Variants in TMEM117 observed in about 807,000 individuals in gnomAD.
The protein encoded by TMEM117 is transmembrane protein 117.
A neutral mutation model predicts 52.4 loss-of-function variants in TMEM117; 27 were observed. The ratio of observed to expected loss-of-function variants is 0.51; its 90% CI spans 0.38 to 0.71. The LOEUF is 0.71. Among genes scored for constraint, TMEM117 ranks in the 30% least tolerant of loss-of-function variants. The pLI, the probability that TMEM117 is intolerant of heterozygous loss-of-function variation, is 0.00. For synonymous variants in TMEM117, 215 were observed against 206.3 expected (o/e 1.04, Z -0.36); for missense variants, 556 against 630.5 (o/e 0.88, Z 1.26).
intron 3 of TMEM117, among the ~76,000 whole-genome samples, chr12:43,944,784 A>T (rs1945102346): frequency 6.6e-6 from 1 of 151,046 alleles, no homozygotes; most frequent in East Asian, 1.9e-4. Flanking sequence ...GACAGTCCTG[A>T]GAGAGAGAGA....
chr12:44,341,917 A>C (rs935714233), intron 6 of TMEM117, among the ~76,000 whole-genome samples: 1 of 152,154 alleles, frequency 6.6e-6, no homozygotes, highest in African/African-American at 2.4e-5. Context: ...CTGACGTGGC[A>C]AGTGAGTTCT....
intron 6 of TMEM117, among the ~76,000 whole-genome samples, chr12:44,336,550 T>C (rs1203048199): frequency 6.6e-6 from 1 of 151,970 alleles, no homozygotes; most frequent in Admixed American, 6.6e-5. Context: ...TTATGACATT[T>C]TACTGATTTT....
chr12:44,314,027 A>G (rs527790464), intron 6 of TMEM117, among the ~76,000 whole-genome samples: 53 of 152,342 alleles, frequency 3.5e-4, no homozygotes, highest in African/African-American at 1.3e-3. Flanking sequence ...TTTTCTAGGC[A>G]TAGAATCATA....
At chr12:44,304,455 C>T (rs1418009305) in intron 6 of TMEM117, among the ~76,000 whole-genome samples, 1 of 152,180 alleles carries the variant, frequency 6.6e-6, no homozygotes, top group Non-Finnish European at 1.5e-5. Flanking sequence ...AGGCAGTAGA[C>T]TTTGTGTCAT....
At chr12:43,949,455 C>G (rs1303637634) in intron 3 of TMEM117, among the ~76,000 whole-genome samples, 1 of 152,130 alleles carries the variant, frequency 6.6e-6, no homozygotes, top group African/African-American at 2.4e-5. Flanking sequence ...TGTGCATACT[C>G]ATTCAAGGCA....
chr12:44,124,114 T>G (rs986775580), intron 3 of TMEM117, among the ~76,000 whole-genome samples: 4 of 152,220 alleles, frequency 2.6e-5, no homozygotes, highest in African/African-American at 9.6e-5. Flanking sequence ...GAAGATGTTC[T>G]TCACTTCCCT....
At chr12:43,998,194 G>A (rs1381004697) in intron 3 of TMEM117, among the ~76,000 whole-genome samples, 1 of 152,196 alleles carries the variant, frequency 6.6e-6, no homozygotes, top group Non-Finnish European at 1.5e-5. Flanking sequence ...CTGCCTGCAA[G>A]CACAGGACTT....
intron 3 of TMEM117, among the ~76,000 whole-genome samples, chr12:43,966,635 A>G (rs1565773195): frequency 1.3e-5 from 2 of 152,220 alleles, no homozygotes; most frequent in Non-Finnish European, 2.9e-5. Flanking sequence ...CAAGTTCAGT[A>G]CTATTAATAA....
At chr12:43,868,637 A>G (rs1187261242) in intron 2 of TMEM117, among the ~76,000 whole-genome samples, 1 of 152,014 alleles carries the variant, frequency 6.6e-6, no homozygotes, top group Non-Finnish European at 1.5e-5. Flanking sequence ...TTAGAAGATA[A>G]ATTATAAAAT....
chr12:43,957,488 A>C (rs891664277), intron 3 of TMEM117, among the ~76,000 whole-genome samples: 3 of 152,126 alleles, frequency 2.0e-5, no homozygotes, highest in African/African-American at 7.2e-5. Context: ...ATAGAAAACT[A>C]TTTTCTTCCA....
Position 44,271,836 on chromosome 12 carries a change from TATG to T in TMEM117, c.609-27741_609-27739del, listed in dbSNP as rs201669705. On this transcript the variant is annotated intron_variant, in intron 5 of 7. Transcript: ENST00000266534. ...AGGGAATATATTTCCAAACGGTATA[TATG>T]ATAAGGGGTTAATATATGAAATATA... 2.4e-3 allele frequency among the ~76,000 whole-genome samples: 363 copies of T among 152,152 alleles called. 12 individuals are homozygous for T. In the East Asian group the frequency reaches 0.035, roughly 15 times the overall value.
At chr12:44,041,880 A>G (rs1194170661) in intron 3 of TMEM117, among the ~76,000 whole-genome samples, 1 of 152,218 alleles carries the variant, frequency 6.6e-6, no homozygotes, top group Non-Finnish European at 1.5e-5. Context: ...CGATCATCTC[A>G]GTAGTCACAG....
chr12:44,388,507 C>T lies in TMEM117; in HGVS notation c.1380C>T (p.Pro460=). Residue 460 remains proline (P), a synonymous_variant, in exon 8 of 8, where the codon CCC becomes CCT. Transcript: ENST00000266534. ...ACACCCAGGCTTCAGTAGAAGACCC[C>T]TTGAATGACCCTTCTTTGGTTTGCA... The part of the protein sequence containing the change: ...RENTQASVED[P]LNDPSLVCIR... 1 of 1,613,512 alleles carries T rather than the reference C, an allele frequency of 6.2e-7. No individual in the cohort carries two copies. Among genetic ancestry groups the T allele is most frequent in the Non-Finnish European group, 8.5e-7 (1 of 1,179,652 alleles).
intron 5 of TMEM117, among the ~76,000 whole-genome samples, chr12:44,287,964 G>A (rs1468976147): frequency 6.6e-6 from 1 of 152,150 alleles, no homozygotes; most frequent in African/African-American, 2.4e-5. Context: ...TGGCTTAAGT[G>A]CCATATGTCT....
intron 5 of TMEM117, among the ~76,000 whole-genome samples, chr12:44,292,918 G>A (rs754373243): frequency 5.3e-5 from 8 of 152,010 alleles, no homozygotes; most frequent in Non-Finnish European, 8.8e-5. Flanking sequence ...CAGATGGAAT[G>A]TTTTGAATAT....
the TMEM117 span, among the ~76,000 whole-genome samples, chr12:43,809,431 G>T: frequency 6.6e-6 from 1 of 152,166 alleles, no homozygotes; most frequent in Non-Finnish European, 1.5e-5. Flanking sequence ...TCATACCCAT[G>T]TCTCATGGTT....
chr12:44,126,842 C>A (rs949026939), intron 3 of TMEM117, among the ~76,000 whole-genome samples: 1 of 152,152 alleles, frequency 6.6e-6, no homozygotes, highest in African/African-American at 2.4e-5. Flanking sequence ...TGTTAACATG[C>A]AAGCAGAAAG....
intron 2 of TMEM117, among the ~76,000 whole-genome samples, chr12:43,887,334 A>G (rs191978574): frequency 2.2e-4 from 34 of 152,356 alleles, no homozygotes; most frequent in Non-Finnish European, 1.0e-4. Context: ...GATTAATGCC[A>G]GTTAAAAGTG....
chr12:44,351,180 C>A (rs1044351392), intron 6 of TMEM117, among the ~76,000 whole-genome samples: 3 of 151,896 alleles, frequency 2.0e-5, no homozygotes, highest in African/African-American at 7.2e-5. Context: ...CTATACAAAT[C>A]TTTTGTCTAT....
Sources: gnomAD v4.1 joint callset for allele counts (sites outside exome capture counted in the v4.1 genomes callset) on GRCh38, gnomAD v4.1.1 for gene constraint, MANE v1.5 for transcripts, NCBI Gene and HGNC (gene_info 2026-07-23, HGNC 2026-07-21) for gene names.